Variants in GNAO1 observed in about 807,000 individuals in gnomAD.
GNAO1 encodes the protein G protein subunit alpha o1, also known as guanine nucleotide-binding protein G(o) subunit alpha.
For synonymous variants in GNAO1, 164 were observed against 180.7 expected (o/e 0.91, Z 0.74); for missense variants, 166 against 478.7 (o/e 0.35, Z 6.10).
At chr16:56,239,904 G>A (rs1275669556) in intron 2 of GNAO1, among the ~76,000 whole-genome samples, 1 of 152,194 alleles carries the variant, frequency 6.6e-6, no homozygotes, top group Non-Finnish European at 1.5e-5. Flanking sequence ...TTGCCTTGGG[G>A]TAGGGGGTGC....
intron 2 of GNAO1, among the ~76,000 whole-genome samples, chr16:56,240,278 A>G (rs1167512498): frequency 6.6e-6 from 1 of 152,050 alleles, no homozygotes; most frequent in East Asian, 1.9e-4. Flanking sequence ...ATTCCCTGGA[A>G]TGTGCTTGTC....
At chr16:56,206,419 C>T (rs7205824) in intron 2 of GNAO1, among the ~76,000 whole-genome samples, 6,327 of 151,888 alleles carry the variant, frequency 0.042, 154 homozygotes, top group South Asian at 0.071. Context: ...TTTTGAATGC[C>T]GTGGGAGATT....
chr16:56,312,023 GGGCCA>G (rs1198258061), intron 3 of GNAO1, among the ~76,000 whole-genome samples: 5 of 152,184 alleles, frequency 3.3e-5, no homozygotes, highest in Non-Finnish European at 7.3e-5. Flanking sequence ...GAGGTCCCAG[GGGCCA>G]GCCTTCCCTG....
intron 3 of GNAO1, among the ~76,000 whole-genome samples, chr16:56,316,380 C>T (rs1190579687): frequency 1.3e-5 from 2 of 152,218 alleles, no homozygotes; most frequent in African/African-American, 2.4e-5. Context: ...ATAGGCATGA[C>T]CAGCAACCTG....
At chr16:56,244,375 A>G (rs2036722422) in intron 2 of GNAO1, among the ~76,000 whole-genome samples, 1 of 151,910 alleles carries the variant, frequency 6.6e-6, no homozygotes, top group African/African-American at 2.4e-5. Flanking sequence ...ATAAAAAAAA[A>G]AAAAACCTAA....
At chr16:56,320,996 C>A (rs2037566165) in intron 3 of GNAO1, among the ~76,000 whole-genome samples, 2 of 152,194 alleles carry the variant, frequency 1.3e-5, no homozygotes, top group East Asian at 1.9e-4. Context: ...ATACCAGTCC[C>A]ATGGGAGAGA....
chr16:56,225,164 G>A (rs762115774), intron 2 of GNAO1, among the ~76,000 whole-genome samples: 1 of 152,242 alleles, frequency 6.6e-6, no homozygotes, highest in African/African-American at 2.4e-5. Flanking sequence ...GCAGGATGTG[G>A]CATTTATGCT....
chr16:56,347,565 G>C, intron 6 of GNAO1: 8 of 985,636 alleles, frequency 8.1e-6, no homozygotes, highest in Non-Finnish European at 9.6e-6. Flanking sequence ...GGCAGGCTGG[G>C]GGAAAAGCAG....
chr16:56,207,326 C>A (rs904844098), intron 2 of GNAO1, among the ~76,000 whole-genome samples: 4 of 152,208 alleles, frequency 2.6e-5, no homozygotes, highest in African/African-American at 9.7e-5. Context: ...AAACACACTG[C>A]AGATACACTG....
intron 2 of GNAO1, chr16:56,245,737 A>G (rs1366680729): frequency 1.3e-5 from 2 of 152,622 alleles, no homozygotes; most frequent in African/African-American, 2.4e-5. Flanking sequence ...TATAGAATCA[A>G]TAAGATTGGG....
intron 2 of GNAO1, among the ~76,000 whole-genome samples, chr16:56,210,096 G>A (rs1190761081): frequency 6.6e-6 from 1 of 152,008 alleles, no homozygotes; most frequent in Middle Eastern, 3.2e-3. Flanking sequence ...TTTTACTGTC[G>A]CTATAGCTTT....
Position 56,311,697 on chromosome 16 carries a change from C to T in GNAO1, c.304-16934C>T, listed in dbSNP as rs1410874602. Among the ~76,000 whole-genome samples, 1 of 152,198 alleles carries T rather than the reference C, an allele frequency of 6.6e-6. No individual in the cohort carries two copies. The highest frequency in any genetic ancestry group is 1.9e-4 in the East Asian group (1 of 5,166). On this transcript the variant is annotated intron_variant, in intron 3 of 8. Transcript: ENST00000262493. This position sits in a 1 kb window ranked among gnomAD's most constrained non-coding sequence, Gnocchi z 5.2. ...TGGCTCAGCCCCTGACCCCCTGTACCCCAGGGGCCAGGCTCTGGGAGTCAG... is the reference window on the plus strand; with the variant it reads ...TGGCTCAGCCCCTGACCCCCTGTACTCCAGGGGCCAGGCTCTGGGAGTCAG...
intron 2 of GNAO1, among the ~76,000 whole-genome samples, chr16:56,251,031 C>A (rs1293139010): frequency 6.6e-6 from 1 of 152,216 alleles, no homozygotes; most frequent in East Asian, 1.9e-4. Flanking sequence ...AATGTCTAAT[C>A]TATGATTTTA....
intron 2 of GNAO1, among the ~76,000 whole-genome samples, chr16:56,258,758 C>T (rs761997078): frequency 3.3e-5 from 5 of 152,200 alleles, no homozygotes; most frequent in Non-Finnish European, 7.3e-5. Context: ...TTGAAAGGTG[C>T]TGAGAAGGCA....
At chr16:56,276,514 C>G (rs776354603) in intron 3 of GNAO1, 1 of 154,284 alleles carries the variant, frequency 6.5e-6, no homozygotes, top group Non-Finnish European at 1.4e-5. Flanking sequence ...TGCCTTTCCT[C>G]TTTTACACCA....
chr16:56,291,465 G>A (rs928422609), intron 3 of GNAO1, among the ~76,000 whole-genome samples: 6 of 152,110 alleles, frequency 3.9e-5, no homozygotes, highest in African/African-American at 7.2e-5. Context: ...TTTGTCTTAC[G>A]GTTAAGTTGT....
intron 2 of GNAO1, among the ~76,000 whole-genome samples, chr16:56,204,943 A>G (rs1447089711): frequency 6.6e-6 from 1 of 152,170 alleles, no homozygotes; most frequent in Admixed American, 6.5e-5. Context: ...CATAATTTAT[A>G]TCTTTCTCTC....
At chr16:56,214,899 T>A (rs1596800797) in intron 2 of GNAO1, among the ~76,000 whole-genome samples, 1 of 152,234 alleles carries the variant, frequency 6.6e-6, no homozygotes, top group East Asian at 1.9e-4. Context: ...GTGCATAAAG[T>A]CTCCTCAGCT....
At chr16:56,303,111 T>C (rs1307364200) in intron 3 of GNAO1, among the ~76,000 whole-genome samples, 1 of 151,984 alleles carries the variant, frequency 6.6e-6, no homozygotes, top group Non-Finnish European at 1.5e-5. Flanking sequence ...TGGAGAAGGG[T>C]CGCAGGATTC....
Sources: gnomAD v4.1 joint callset for allele counts (sites outside exome capture counted in the v4.1 genomes callset) on GRCh38, gnomAD v4.1.1 for gene constraint, Gnocchi (gnomAD v3.1) non-coding constraint, MANE v1.5 for transcripts, NCBI Gene and HGNC (gene_info 2026-07-23, HGNC 2026-07-21) for gene names.